Variants in NELL2 observed in about 807,000 individuals in gnomAD.
NELL2 encodes protein kinase C-binding protein NELL2.
NELL2 carries 41 observed loss-of-function variants against 109.6 expected under a neutral mutation model. The observed-to-expected ratio is 0.37, with a 90% CI of 0.29 to 0.49. NELL2 has a LOEUF of 0.49. NELL2 is among the 20% of genes least tolerant of loss of function. The probability of loss-of-function intolerance (pLI) is 0.98; values close to 1 mark genes in which losing one functional copy is unlikely to be tolerated. For synonymous variants in NELL2, 355 were observed against 344.7 expected (o/e 1.03, Z -0.33); for missense variants, 900 against 1,008.3 (o/e 0.89, Z 1.45).
intron 19 of NELL2, among the ~76,000 whole-genome samples, chr12:44,516,077 AT>A (rs1224575767): frequency 4.6e-5 from 7 of 151,836 alleles, no homozygotes; most frequent in Non-Finnish European, 2.9e-5. Flanking sequence ...CGTGCATAAT[AT>A]TTTTATCTTA....
intron 18 of NELL2, among the ~76,000 whole-genome samples, chr12:44,521,366 T>TA (rs540088272): frequency 1.4e-3 from 220 of 151,752 alleles, no homozygotes; most frequent in Non-Finnish European, 2.6e-3. Context: ...CCGTCTCTAC[T>TA]AAAAATACAA....
At chr12:44,591,068 T>C (rs531422615) in intron 15 of NELL2, among the ~76,000 whole-genome samples, 47 of 152,020 alleles carry the variant, frequency 3.1e-4, no homozygotes, top group Non-Finnish European at 4.9e-4. Context: ...ACCAAAACCA[T>C]GAGAAGATAT....
chr12:44,681,417 A>C (rs1480894533), intron 12 of NELL2, among the ~76,000 whole-genome samples: 5 of 148,298 alleles, frequency 3.4e-5, no homozygotes, highest in African/African-American at 1.2e-4. Flanking sequence ...ATTTTATTTT[A>C]TTTATTATTA....
intron 15 of NELL2, among the ~76,000 whole-genome samples, chr12:44,603,421 T>C (rs1333946853): frequency 6.6e-6 from 1 of 152,166 alleles, no homozygotes; most frequent in Non-Finnish European, 1.5e-5. Flanking sequence ...TAAGATAGCT[T>C]TGTATATTAA....
At chr12:44,596,834 A>G (rs767938217) in intron 15 of NELL2, among the ~76,000 whole-genome samples, 1 of 152,190 alleles carries the variant, frequency 6.6e-6, no homozygotes, top group Non-Finnish European at 1.5e-5. Flanking sequence ...TGCAGAGCCT[A>G]GATTTATAGC....
At chr12:44,764,942 T>G (rs1009529178) in intron 9 of NELL2, among the ~76,000 whole-genome samples, 2 of 152,032 alleles carry the variant, frequency 1.3e-5, no homozygotes, top group African/African-American at 4.8e-5. Flanking sequence ...GCATGTTCCA[T>G]GAACCAGCAG....
intron 13 of NELL2, among the ~76,000 whole-genome samples, chr12:44,620,429 T>G (rs974614615): frequency 6.6e-6 from 1 of 152,144 alleles, no homozygotes; most frequent in Admixed American, 6.5e-5. Context: ...TTCAGAGACC[T>G]GACAATGCTG....
At chr12:44,794,575 G>T (rs35386407) in intron 3 of NELL2, among the ~76,000 whole-genome samples, 1 of 152,070 alleles carries the variant, frequency 6.6e-6, no homozygotes, top group African/African-American at 2.4e-5. Flanking sequence ...GGTACTTCTC[G>T]TTATTTCCTA....
At chr12:44,524,954 G>T (rs543775920) in intron 16 of NELL2, among the ~76,000 whole-genome samples, 1 of 152,094 alleles carries the variant, frequency 6.6e-6, no homozygotes, top group East Asian at 1.9e-4. Context: ...TTTATATTTG[G>T]TCTATTTGGA....
In NELL2 at chr12:44,508,700, C is replaced by T; in HGVS notation, c.*234G>A. ...CGGTATATACTGTACGCCCATTCTT[C>T]TACATGGTGATGTGAGACACAGTAG... On this transcript the variant is annotated 3_prime_UTR_variant, in exon 20 of 20. Coordinates refer to ENST00000429094, the MANE Select transcript of NELL2 (RefSeq NM_001145108.2). 1.9e-6 allele frequency: 1 copy of T among 525,660 alleles called. No individual in the cohort carries two copies. Among genetic ancestry groups the T allele is most frequent in the Non-Finnish European group, 3.5e-6 (1 of 289,010 alleles). The allele number at this position is 525,660 out of a possible 1,614,324, so 32.6% of individuals were successfully genotyped here.
At chr12:44,769,192 G>C (rs921748977) in intron 9 of NELL2, among the ~76,000 whole-genome samples, 11 of 152,020 alleles carry the variant, frequency 7.2e-5, no homozygotes, top group Non-Finnish European at 1.5e-4. Flanking sequence ...GACAGGACTA[G>C]AATCATCTAT....
At chr12:44,814,737 G>C (rs1288190037) in intron 3 of NELL2, among the ~76,000 whole-genome samples, 1 of 152,194 alleles carries the variant, frequency 6.6e-6, no homozygotes, top group Non-Finnish European at 1.5e-5. Context: ...GAGCAAGCGA[G>C]ATAGTATGTC....
intron 9 of NELL2, among the ~76,000 whole-genome samples, chr12:44,763,485 GCAAA>G (rs752295389): frequency 2.2e-4 from 33 of 152,050 alleles, no homozygotes; most frequent in Admixed American, 5.2e-4. Flanking sequence ...AATGATTTAG[GCAAA>G]CAAACAAACA....
chr12:44,780,537 G>A (rs998501488), intron 3 of NELL2, among the ~76,000 whole-genome samples: 1 of 151,828 alleles, frequency 6.6e-6, no homozygotes, highest in Admixed American at 6.6e-5. Flanking sequence ...TAGTGTCAGA[G>A]AAGGCCAAGT....
At position 44,527,822 on chromosome 12, in the gene NELL2, G is replaced by A. The variant is rs933405652; in HGVS notation, c.1805-4338C>T. 2.6e-5 allele frequency among the ~76,000 whole-genome samples: 4 copies of A among 151,972 alleles called. 1 individual carries two copies. The highest frequency in any genetic ancestry group is 4.1e-4 in the South Asian group (2 of 4,824). On this transcript the variant is annotated intron_variant, in intron 16 of 19. Coordinates refer to ENST00000429094, the MANE Select transcript of NELL2 (RefSeq NM_001145108.2). ...TAAAAAACTCCTTCATGCCGGGCAC[G>A]CTGGCTCATGCCTGTAATCCCAGCA...
chr12:44,845,411 C>A (rs151330968), intron 2 of NELL2, among the ~76,000 whole-genome samples: 4 of 152,144 alleles, frequency 2.6e-5, no homozygotes, highest in Admixed American at 6.5e-5. Flanking sequence ...CGTACAGTGG[C>A]TAGATCAATC....
At chr12:44,519,513 C>A (rs1220851575) in intron 19 of NELL2, among the ~76,000 whole-genome samples, 1 of 152,162 alleles carries the variant, frequency 6.6e-6, no homozygotes, top group African/African-American at 2.4e-5. Flanking sequence ...AATGTTTCAA[C>A]TCAATGTAAC....
intron 13 of NELL2, among the ~76,000 whole-genome samples, chr12:44,654,705 A>G (rs1270984023): frequency 6.6e-6 from 1 of 151,906 alleles, no homozygotes; most frequent in Non-Finnish European, 1.5e-5. Flanking sequence ...GGGGGAAGAA[A>G]CTCTATCTCA....
chr12:44,665,551 G>A lies in NELL2; in HGVS notation c.1377C>T (p.Asn459=), dbSNP rs1468475577. ...AGATGCACATAAAAGAACCCGGGGT[G>A]TTGACACACATTGTATTTTCACGAC... ...HYCRENTMCV[N]TPGSFMCICK... Residue 459 remains asparagine, a synonymous_variant, in exon 13 of 20, where the codon AAC becomes AAT. Coordinates refer to ENST00000429094, the MANE Select transcript of NELL2 (RefSeq NM_001145108.2). 1 of 1,613,580 alleles carries A rather than the reference G, an allele frequency of 6.2e-7. No homozygotes were observed. The highest frequency in any genetic ancestry group is 2.2e-5 in the East Asian group (1 of 44,866).
Sources: allele counts gnomAD v4.1 joint callset (sites outside exome capture counted in the v4.1 genomes callset), GRCh38; gene constraint gnomAD v4.1.1; transcripts MANE v1.5; gene names NCBI Gene and HGNC (gene_info 2026-07-23, HGNC 2026-07-21).